The following NAALADL1 variants were observed in gnomAD, a reference collection of about 807,000 sequenced individuals.
NAALADL1 encodes the protein aminopeptidase NAALADL1.
In NAALADL1, 77 loss-of-function variants were observed where a neutral mutation model predicts 82.8. The observed-to-expected ratio is 0.93, with a 90% CI of 0.77 to 1.12. The LOEUF (loss-of-function observed/expected upper bound fraction) is 1.12. Ranked by LOEUF, NAALADL1 falls within the 50% of genes most tolerant of loss-of-function variation. The probability of loss-of-function intolerance (pLI) is 0.00; values close to 1 mark genes in which losing one functional copy is unlikely to be tolerated. For missense variants in NAALADL1, 956 were observed against 964.0 expected, an observed-to-expected ratio of 0.99 and a Z score of 0.11; for synonymous variants, 358 against 399.2, an observed-to-expected ratio of 0.90 and a Z score of 1.23.
At chr11:65,047,597 C>A in intron 12 of NAALADL1, 32 bp from the exon 13 acceptor site, 1 of 1,576,934 alleles carries the variant, frequency 6.3e-7, no homozygotes, top group Non-Finnish European at 8.6e-7. Context: ...GGATAAAGAG[C>A]GCTGGGCCGG....
At chr11:65,045,679 C>T in intron 17 of NAALADL1, 143 bp downstream of exon 17, 1 of 941,216 alleles carries the variant, frequency 1.1e-6, no homozygotes, top group Non-Finnish European at 1.6e-6. Flanking sequence ...ACTTTCCTCC[C>T]CTCCCTGAGC....
Position 65,045,014 on chromosome 11 carries a change from G to A in NAALADL1, c.*257C>T. 1 of 604,588 alleles carries A rather than the reference G, an allele frequency of 1.7e-6. No individual in the cohort carries two copies. The highest frequency in any genetic ancestry group is 3.0e-5 in the Admixed American group (1 of 32,832). The allele number at this position is 604,588 out of a possible 1,614,324, so 37.5% of individuals were successfully genotyped here. ...GCACGCATCCCATCTCCACCCACCT[G>A]CCACCAAGGGCAGTTGGTGGTTTTG... On this transcript the variant is annotated 3_prime_UTR_variant, in exon 18 of 18. Transcript: ENST00000358658.
chr11:65,046,986 G>GC (rs1454970155), intron 13 of NAALADL1, among the ~76,000 whole-genome samples: 1 of 57,918 alleles, frequency 1.7e-5, no homozygotes, highest in Non-Finnish European at 3.7e-5. Flanking sequence ...TCCCACCCCC[G>GC]CCCCTACATT....
At chr11:65,049,971 G>A (rs1266536159) in intron 8 of NAALADL1, among the ~76,000 whole-genome samples, 1 of 151,058 alleles carries the variant, frequency 6.6e-6, no homozygotes, top group Non-Finnish European at 1.5e-5. Flanking sequence ...TGCCCCCCAG[G>A]TTCAAGCGAT....
chr11:65,051,274 C>T (rs1295575242), intron 8 of NAALADL1, among the ~76,000 whole-genome samples: 1 of 148,870 alleles, frequency 6.7e-6, no homozygotes, highest in Admixed American at 6.7e-5. Context: ...GCTACCAACT[C>T]CCCAAGTCAT....
chr11:65,058,561 A>G, upstream of NAALADL1: 2 of 1,512,862 alleles, frequency 1.3e-6, no homozygotes, highest in Non-Finnish European at 1.8e-6. Flanking sequence ...ACTGGTCTAT[A>G]GGTTATTCCC....
chr11:65,056,548 C>T (rs965410431), intron 4 of NAALADL1, among the ~76,000 whole-genome samples: 8 of 151,898 alleles, frequency 5.3e-5, no homozygotes, highest in Non-Finnish European at 8.8e-5. Flanking sequence ...TACAGGTGCA[C>T]GCTGCCACAC....
At chr11:65,056,711 C>A (rs904958667) in intron 4 of NAALADL1, among the ~76,000 whole-genome samples, 1 of 126,114 alleles carries the variant, frequency 7.9e-6, no homozygotes, top group Non-Finnish European at 1.6e-5. Context: ...CCATGCCCAG[C>A]CTTTTTTTTT....
chr11:65,054,387 T>C lies in NAALADL1; in HGVS notation c.888-33A>G, dbSNP rs982598884. 1 of 1,612,872 alleles carries C rather than the reference T, an allele frequency of 6.2e-7. No homozygotes were observed. The highest frequency in any genetic ancestry group is 1.3e-5 in the African/African-American group (1 of 74,830). On this transcript the variant is annotated intron_variant, in intron 5 of 17. Transcript: ENST00000358658. The surrounding 1 kb of genome is among the most constrained non-coding windows in gnomAD (Gnocchi z 4.3). ...GGAGGAAGAGGCCCTTCAGGGTAAA[T>C]GTGAGTGTGGGGCTTGAAGTCTGGA...
chr11:65,053,012 A>C lies in NAALADL1; in HGVS notation c.1198+206T>G, dbSNP rs989657373. On this transcript the variant is annotated intron_variant, in intron 8 of 17. Coordinates refer to ENST00000358658, the MANE Select transcript of NAALADL1 (RefSeq NM_005468.3). The surrounding 1 kb of genome is among the most constrained non-coding windows in gnomAD (Gnocchi z 4.3). ...TGCTCCATCCAGGCACACGGGAGGC[A>C]CTTGGAAGCGGCACATGAATCAACC... Among the ~76,000 whole-genome samples the C allele has an allele frequency of 2.0e-5, 3 of 152,368 alleles. No homozygotes were observed. Among genetic ancestry groups the C allele is most frequent in the Middle Eastern group, 3.4e-3 (1 of 294 alleles).
rs201526591 is a variant in NAALADL1 at position 65,046,329 on chromosome 11, G to A, written c.1715C>T (p.Ala572Val). The A allele has an allele frequency of 2.2e-5, 36 of 1,614,190 alleles. No homozygotes were observed. Among genetic ancestry groups the A allele is most frequent in the Admixed American group, 1.8e-4 (11 of 60,022 alleles). ...FSSHQAVART[A>V]GSVILRLSDS... Reference sequence around the variant, plus strand: ...ACTGAGCCGGAGAATCACACTCCCCGCTGTCCGGGCCACAGCCTGATGGCT... The same window carrying A: ...ACTGAGCCGGAGAATCACACTCCCCACTGTCCGGGCCACAGCCTGATGGCT... Residue 572 changes from alanine to valine, a missense_variant, in exon 15 of 18, where the codon GCG becomes GTG. Ala to Val is a moderately conservative substitution (Grantham distance 64). Transcript: ENST00000358658.
chr11:65,048,435 G>T (rs775031187), intron 8 of NAALADL1, 50 bp from the exon 9 acceptor site: 1 of 1,604,414 alleles, frequency 6.2e-7, no homozygotes, highest in African/African-American at 1.3e-5. Flanking sequence ...CTGATCCTAG[G>T]GTGCCTTAGG....
chr11:65,051,038 T>C (rs1463476669), intron 8 of NAALADL1, among the ~76,000 whole-genome samples: 2 of 152,134 alleles, frequency 1.3e-5, no homozygotes, highest in Non-Finnish European at 2.9e-5. Context: ...AACATTAATA[T>C]TAGGAGTGTC....
At position 65,045,430 on chromosome 11, in the gene NAALADL1, G is replaced by A; in HGVS notation, c.2064C>T (p.Gly688=). The change falls in exon 18 of 18, where the codon GGC becomes GGT. Residue 688 remains glycine, a synonymous_variant. Coordinates refer to ENST00000358658, the MANE Select transcript of NAALADL1 (RefSeq NM_005468.3). ...ATAGGCCCGGGAATGTGACTACGGA[G>A]CCCGTGCGAGGTGCCCAGAGCACAT... is the stretch of plus-strand genomic sequence containing the variant. ...YSHVLWAPRT[G]SVVTFPGLSN... is the part of the protein sequence containing the mutation. 6.2e-7 allele frequency: 1 copy of A among 1,611,684 alleles called. No homozygotes were observed. Among genetic ancestry groups the A allele is most frequent in the Non-Finnish European group, 8.5e-7 (1 of 1,178,870 alleles).
chr11:65,045,921 G>C lies in NAALADL1; in HGVS notation c.1944-7C>G, dbSNP rs1946710103. ...CATCCGGACCTGCAGGGGGCTGGTG[G>C]GGAGGCAGGAACTGCCAGTCACCCT... On this transcript the variant is annotated splice_polypyrimidine_tract_variant and splice_region_variant and intron_variant, in intron 16 of 17. Transcript: ENST00000358658. 1 of 1,613,874 alleles carries C rather than the reference G, an allele frequency of 6.2e-7. No homozygotes were observed. Among genetic ancestry groups the C allele is most frequent in the Non-Finnish European group, 8.5e-7 (1 of 1,179,912 alleles).
In NAALADL1 at chr11:65,047,481, A is replaced by G. The variant is rs1224850213; in HGVS notation, c.1593T>C (p.Tyr531=). 19 of 1,562,232 alleles carry G rather than the reference A, an allele frequency of 1.2e-5. No individual in the cohort carries two copies. In the African/African-American group the frequency reaches 2.3e-4, roughly 19 times the overall value. Residue 531 remains tyrosine, a synonymous_variant, in exon 13 of 18, where the codon TAT becomes TAC. Transcript: ENST00000358658. The part of the protein sequence containing the change: ...GISSMDIAYT[Y]DRSKTSARIY... ...CGGAGGGGCGCCTGCTCACCCGGTC[A>G]TAGGTATAGGCAATGTCCATGGAGG...
chr11:65,055,462 C>CA (rs2137025711), intron 4 of NAALADL1, among the ~76,000 whole-genome samples: 1 of 152,064 alleles, frequency 6.6e-6, no homozygotes, highest in South Asian at 2.1e-4. Flanking sequence ...AACAAACAAA[C>CA]AAAAAACAAT....
In NAALADL1 at chr11:65,046,545, G is replaced by A. The variant is rs367699319; in HGVS notation, c.1600-19C>T. The A allele has an allele frequency of 6.2e-7, 1 of 1,613,064 alleles. No individual in the cohort carries two copies. Among genetic ancestry groups the A allele is most frequent in the Non-Finnish European group, 8.5e-7 (1 of 1,179,002 alleles). On this transcript the variant is annotated intron_variant, in intron 13 of 17. Coordinates refer to ENST00000358658, the MANE Select transcript of NAALADL1 (RefSeq NM_005468.3). ...TCTTGCTCTGGGGGAACAAAGCCCA[G>A]AGGTGACAGGCTTGGGATGGGAAGT...
Position 65,054,538 on chromosome 11 carries a change from G to A in NAALADL1, c.804C>T (p.Phe268=). The A allele has an allele frequency of 6.2e-7, 1 of 1,614,032 alleles. No homozygotes were observed. Among genetic ancestry groups the A allele is most frequent in the African/African-American group, 1.3e-5 (1 of 75,040 alleles). The change falls in exon 5 of 18, where the codon TTC becomes TTT. Residue 268 remains phenylalanine (F), a synonymous_variant. Coordinates refer to ENST00000358658, the MANE Select transcript of NAALADL1 (RefSeq NM_005468.3). This position sits in a 1 kb window ranked among gnomAD's most constrained non-coding sequence, Gnocchi z 4.3. ...CGGAGACATTGGCAAGGTCCACGCG[G>A]AAGGAAGAGGGGACGGCTGGAAGGT... is the stretch of plus-strand genomic sequence containing the variant. The part of the protein sequence containing the change: ...TPYLPAVPSS[F]RVDLANVSGF...
Sources: allele counts gnomAD v4.1 joint callset (sites outside exome capture counted in the v4.1 genomes callset), GRCh38; gene constraint gnomAD v4.1.1; non-coding constraint Gnocchi (gnomAD v3.1); transcripts MANE v1.5; gene names NCBI Gene and HGNC (gene_info 2026-07-23, HGNC 2026-07-21).